The following OOSP3 variants were observed in gnomAD, a reference collection of about 807,000 sequenced individuals.
OOSP3 encodes oocyte secreted protein family member 3, also known as oocyte-secreted protein 3.
intron 2 of OOSP3, among the ~76,000 whole-genome samples, chr11:59,881,961 C>T (rs1483171493): frequency 1.3e-5 from 2 of 152,152 alleles, no homozygotes. Context: ...TATGTGTGTC[C>T]TATACAAACA....
At chr11:59,883,009 C>A (rs1222832061) in intron 2 of OOSP3, among the ~76,000 whole-genome samples, 1 of 151,868 alleles carries the variant, frequency 6.6e-6, no homozygotes, top group African/African-American at 2.4e-5. Flanking sequence ...TACTGCTGTA[C>A]CTTTGTGTAC....
rs191642123 is a variant in OOSP3, at chr11:59,895,815, A to G, written c.501+163A>G. The stretch of plus-strand genomic sequence containing the variant: ...CACATTACATTTCAATCCTGTTTAG[A>G]AAAAATGCTACTTCCATGTGTCTAC... On this transcript the variant is annotated intron_variant, in intron 4 of 4. Transcript: ENST00000646438. Among the ~76,000 whole-genome samples, 34 of 152,230 alleles carry G rather than the reference A, an allele frequency of 2.2e-4. 1 individual carries two copies. The highest frequency in any genetic ancestry group is 8.2e-4 in the African/African-American group (34 of 41,466).
chr11:59,885,289 T>TGG (rs201609143), intron 2 of OOSP3, among the ~76,000 whole-genome samples: 2 of 152,012 alleles, frequency 1.3e-5, no homozygotes, highest in African/African-American at 4.8e-5. Flanking sequence ...TATTTTTTGT[T>TGG]GGGGGGGCGC....
At chr11:59,879,231 C>T (rs191407958) in intron 1 of OOSP3, among the ~76,000 whole-genome samples, 2 of 152,280 alleles carry the variant, frequency 1.3e-5, no homozygotes, top group South Asian at 2.1e-4. Context: ...ATCCTGCCAC[C>T]TGCCTCCTGT....
At chr11:59,895,408 A>G (rs1456139858) in intron 3 of OOSP3, 94 bp from the exon 4 acceptor site, 3 of 388,082 alleles carry the variant, frequency 7.7e-6, no homozygotes, top group African/African-American at 4.2e-5. Context: ...AAGTAGAAGG[A>G]AAAAAAATGA....
intron 2 of OOSP3, among the ~76,000 whole-genome samples, chr11:59,893,443 G>A (rs1300398169): frequency 6.6e-6 from 1 of 152,068 alleles, no homozygotes; most frequent in African/African-American, 2.4e-5. Context: ...ACAGCTCACT[G>A]CAACCTCCAC....
chr11:59,892,477 T>A (rs1485399840), intron 2 of OOSP3, among the ~76,000 whole-genome samples: 1 of 152,148 alleles, frequency 6.6e-6, no homozygotes, highest in African/African-American at 2.4e-5. Context: ...CATCTAGGCG[T>A]CTCCTCTGCT....
chr11:59,886,359 G>A (rs1049952121), intron 2 of OOSP3, among the ~76,000 whole-genome samples: 24 of 152,198 alleles, frequency 1.6e-4, no homozygotes, highest in African/African-American at 5.1e-4. Context: ...GAACATACAC[G>A]TGCGTGAATC....
At chr11:59,891,252 C>T (rs973496660) in intron 2 of OOSP3, among the ~76,000 whole-genome samples, 2 of 152,120 alleles carry the variant, frequency 1.3e-5, no homozygotes, top group African/African-American at 4.8e-5. Context: ...TCATTATTAC[C>T]CACTTTCTGA....
chr11:59,896,008 C>T (rs758573000), intron 4 of OOSP3, 125 bp from the exon 5 acceptor site: 3 of 395,950 alleles, frequency 7.6e-6, no homozygotes, highest in Non-Finnish European at 1.3e-5. Context: ...CCCTCTAATC[C>T]CTGGCACATA....
At chr11:59,889,031 A>T (rs942709893) in intron 2 of OOSP3, among the ~76,000 whole-genome samples, 10 of 152,074 alleles carry the variant, frequency 6.6e-5, no homozygotes, top group Non-Finnish European at 1.2e-4. Context: ...CAGTCTTGGG[A>T]GAGTGTACGT....
chr11:59,886,093 G>A (rs1042487826), intron 2 of OOSP3, among the ~76,000 whole-genome samples: 1 of 151,856 alleles, frequency 6.6e-6, no homozygotes, highest in East Asian at 1.9e-4. Context: ...CCCTCTCTGT[G>A]TCCATGTGTT....
rs542451376 is a variant in OOSP3 at position 59,882,041 on chromosome 11, A to G, written c.252+1602A>G. Among the ~76,000 whole-genome samples the G allele has an allele frequency of 2.6e-5, 4 of 152,294 alleles. No homozygotes were observed. In the South Asian group the frequency reaches 6.2e-4, roughly 24 times the overall value. On this transcript the variant is annotated intron_variant, in intron 2 of 4. Transcript: ENST00000646438. ...CTTCATGAAAGTTTGCAGATTTTTA[A>G]TTTCTTTGGCCTTTGTGGTTTTTCC... is the stretch of plus-strand genomic sequence containing the variant.
chr11:59,896,277 C>T (rs1853357040), exon 5 of OOSP3: 1 of 397,474 alleles, frequency 2.5e-6, no homozygotes, highest in Non-Finnish European at 4.4e-6. Flanking sequence ...ATTTTTGAAC[C>T]ACTCACTACA....
In OOSP3 at chr11:59,889,514, G is replaced by A. The variant is rs1853291182; in HGVS notation, c.253-4565G>A. Among the ~76,000 whole-genome samples, 3 of 152,060 alleles carry A rather than the reference G, an allele frequency of 2.0e-5. No homozygotes were observed. In the South Asian group the frequency reaches 6.2e-4, roughly 31 times the overall value. On this transcript the variant is annotated intron_variant, in intron 2 of 4. Coordinates refer to ENST00000646438, the Ensembl canonical transcript of OOSP3. Reference sequence around the variant, plus strand: ...ATACATTGTCTTCTTGTTCTCATTAGTTTCAAAGAACTTGATTTCTGCCTT... The same window carrying A: ...ATACATTGTCTTCTTGTTCTCATTAATTTCAAAGAACTTGATTTCTGCCTT...
At chr11:59,895,959 C>T (rs1341373776) in intron 4 of OOSP3, among the ~76,000 whole-genome samples, 174 bp from the exon 5 acceptor site, 1 of 152,172 alleles carries the variant, frequency 6.6e-6, no homozygotes, top group East Asian at 1.9e-4. Context: ...AAATAGTGCT[C>T]AGACACTTGA....
chr11:59,881,473 T>C (rs2134524583), intron 2 of OOSP3, among the ~76,000 whole-genome samples: 1 of 152,274 alleles, frequency 6.6e-6, no homozygotes. Flanking sequence ...TGGGATGAAG[T>C]TGAATCCAGG....
intron 2 of OOSP3, among the ~76,000 whole-genome samples, chr11:59,885,447 C>A (rs894205718): frequency 6.6e-6 from 1 of 152,088 alleles, no homozygotes; most frequent in African/African-American, 2.4e-5. Flanking sequence ...AGGTATGAAG[C>A]CCAGCATGCA....
chr11:59,886,247 G>A (rs952703118), intron 2 of OOSP3, among the ~76,000 whole-genome samples: 1 of 151,930 alleles, frequency 6.6e-6, no homozygotes, highest in Non-Finnish European at 1.5e-5. Flanking sequence ...TGGCTGCATA[G>A]TATTCCATGG....
Sources: gnomAD v4.1 joint callset for allele counts (sites outside exome capture counted in the v4.1 genomes callset) on GRCh38, gnomAD v4.1.1 for gene constraint, MANE v1.5 for transcripts, NCBI Gene and HGNC (gene_info 2026-07-23, HGNC 2026-07-21) for gene names.